STK3: variants seen among roughly 807,000 people sequenced by gnomAD.
STK3 encodes serine/threonine kinase 3.
A neutral mutation model predicts 58.0 loss-of-function variants in STK3; 41 were observed. The ratio of observed to expected loss-of-function variants is 0.71; its 90% CI spans 0.55 to 0.92. The LOEUF (loss-of-function observed/expected upper bound fraction) is 0.92, where lower values mean the gene tolerates loss of function less well. Ranked by LOEUF, STK3 falls within the 40% of genes least tolerant of loss-of-function variation. STK3 has a pLI of 0.00. For missense variants in STK3, 479 were observed against 602.7 expected, an observed-to-expected ratio of 0.79 and a Z score of 2.15; for synonymous variants, 170 against 191.0, an observed-to-expected ratio of 0.89 and a Z score of 0.91.
intron 9 of STK3, among the ~76,000 whole-genome samples, chr8:98,529,290 G>T (rs1424662015): frequency 1.3e-5 from 2 of 152,134 alleles, no homozygotes; most frequent in East Asian, 3.9e-4. Flanking sequence ...ACAAAAGGGG[G>T]GGGGACGGAG....
intron 8 of STK3, among the ~76,000 whole-genome samples, chr8:98,557,976 C>T (rs1364095908): frequency 6.6e-6 from 1 of 151,636 alleles, no homozygotes; most frequent in African/African-American, 2.4e-5. Flanking sequence ...AAGTTTTTGG[C>T]ATTATAGGAG....
intron 6 of STK3, among the ~76,000 whole-genome samples, chr8:98,596,715 T>G: frequency 6.6e-6 from 1 of 152,216 alleles, no homozygotes; most frequent in Non-Finnish European, 1.5e-5. Context: ...CTACTTTAAT[T>G]TATTACTAAT....
At chr8:98,520,304 G>A (rs1825254786) in intron 10 of STK3, among the ~76,000 whole-genome samples, 2 of 151,994 alleles carry the variant, frequency 1.3e-5, no homozygotes, top group Non-Finnish European at 2.9e-5. Context: ...CCAATTTGGT[G>A]ACATCATAAA....
chr8:98,449,233 C>T (rs1176744611), intron 1 of STK3, among the ~76,000 whole-genome samples: 2 of 152,130 alleles, frequency 1.3e-5, no homozygotes, highest in African/African-American at 4.8e-5. Context: ...CTACAACTCA[C>T]CTTGATACAT....
chr8:98,524,711 T>A (rs1825621231), intron 10 of STK3, among the ~76,000 whole-genome samples: 1 of 152,236 alleles, frequency 6.6e-6, no homozygotes, highest in Non-Finnish European at 1.5e-5. Flanking sequence ...ACTCCAGGCT[T>A]GCCTGATGAG....
chr8:98,582,386 A>G (rs1235411281), intron 7 of STK3, among the ~76,000 whole-genome samples: 2 of 151,962 alleles, frequency 1.3e-5, no homozygotes, highest in South Asian at 2.1e-4. Context: ...TTTTTAAGTT[A>G]TATGTATTCA....
chr8:98,408,293 C>T (rs552003762), intron 3 of STK3, among the ~76,000 whole-genome samples: 21 of 152,038 alleles, frequency 1.4e-4, no homozygotes, highest in African/African-American at 2.7e-4. Context: ...TTATGAAGTG[C>T]CATGACAATT....
chr8:98,723,024 T>C (rs1473725620), intron 4 of STK3: 21 of 347,564 alleles, frequency 6.0e-5, no homozygotes, highest in South Asian at 4.5e-4. Context: ...TACAAAATAT[T>C]TTATCAACAG....
rs572467518 is a variant in STK3 at position 98,475,678 on chromosome 8, T to C, written c.1318-19678A>G. Among the ~76,000 whole-genome samples, 165 of 152,300 alleles carry C rather than the reference T, an allele frequency of 1.1e-3. 1 individual carries two copies. The highest frequency in any genetic ancestry group is 6.0e-4 in the Non-Finnish European group (41 of 68,024). On this transcript the variant is annotated intron_variant, in intron 10 of 10. Coordinates refer to ENST00000419617, the MANE Select transcript of STK3 (RefSeq NM_006281.4). ...AGGTTTTTTAAAGCATCATCTGATA[T>C]CTACGCTATGATAAAAGTCAGCATC...
At chr8:98,593,178 G>T (rs930946999) in intron 7 of STK3, among the ~76,000 whole-genome samples, 4 of 152,012 alleles carry the variant, frequency 2.6e-5, no homozygotes, top group African/African-American at 7.3e-5. Flanking sequence ...CATCTCCAGG[G>T]TTTTAATTTA....
intron 3 of STK3, among the ~76,000 whole-genome samples, chr8:98,876,987 G>T (rs1344700607): frequency 6.6e-6 from 1 of 152,202 alleles, no homozygotes; most frequent in Non-Finnish European, 1.5e-5. Context: ...AGAACAAAAA[G>T]ATCCTGGCTA....
At chr8:98,371,866 C>A (rs1015849061) in intron 2 of STK3, among the ~76,000 whole-genome samples, 3 of 152,112 alleles carry the variant, frequency 2.0e-5, no homozygotes, top group African/African-American at 7.2e-5. Context: ...ATTGTCTCTC[C>A]CCAAATTGCG....
At chr8:98,865,289 C>T (rs1180063983) in intron 3 of STK3, among the ~76,000 whole-genome samples, 1 of 152,124 alleles carries the variant, frequency 6.6e-6, no homozygotes, top group African/African-American at 2.4e-5. Flanking sequence ...TTAATTTTGC[C>T]AGAGCTTGTG....
intron 3 of STK3, among the ~76,000 whole-genome samples, chr8:98,753,356 C>T (rs887790288): frequency 2.0e-5 from 3 of 152,130 alleles, no homozygotes; most frequent in Non-Finnish European, 4.4e-5. Context: ...TTGTCCTTAG[C>T]AAACTAACAC....
chr8:98,743,902 C>T (rs943377118), intron 4 of STK3, among the ~76,000 whole-genome samples: 9 of 151,966 alleles, frequency 5.9e-5, no homozygotes, highest in Admixed American at 1.3e-4. Context: ...AAAAACAACC[C>T]CATCAAAAGT....
At position 98,455,804 on chromosome 8, in the gene STK3, G is replaced by C; in HGVS notation, c.*38C>G. 1 of 1,606,666 alleles carries C rather than the reference G, an allele frequency of 6.2e-7. No individual in the cohort carries two copies. The highest frequency in any genetic ancestry group is 1.1e-5 in the South Asian group (1 of 89,524). On this transcript the variant is annotated 3_prime_UTR_variant, in exon 11 of 11. Coordinates refer to ENST00000419617, the MANE Select transcript of STK3 (RefSeq NM_006281.4). ...TTCCTTCAATTCCTAGTGGTTTCTT[G>C]GTCTCCAGAATAGTTAAAAACAGAG...
chr8:98,740,939 G>A (rs1457840434), intron 4 of STK3, among the ~76,000 whole-genome samples: 2 of 152,102 alleles, frequency 1.3e-5, no homozygotes, highest in East Asian at 3.9e-4. Flanking sequence ...GGCAGGGGTT[G>A]CAATCCTAGT....
chr8:98,424,374 A>T (rs1193720396), intron 3 of STK3, among the ~76,000 whole-genome samples: 1 of 152,188 alleles, frequency 6.6e-6, no homozygotes, highest in Non-Finnish European at 1.5e-5. Context: ...AGCTGGAAGC[A>T]TGTTGGCACA....
chr8:98,714,092 C>A (rs1490862315), intron 4 of STK3, among the ~76,000 whole-genome samples: 3 of 152,036 alleles, frequency 2.0e-5, no homozygotes, highest in East Asian at 1.9e-4. Flanking sequence ...CTACATGCTA[C>A]AAACTCTCAA....
Sources: gnomAD v4.1 joint callset for allele counts (sites outside exome capture counted in the v4.1 genomes callset) on GRCh38, gnomAD v4.1.1 for gene constraint, MANE v1.5 for transcripts, NCBI Gene and HGNC (gene_info 2026-07-23, HGNC 2026-07-21) for gene names.